SLC27A6: variants seen among roughly 807,000 people sequenced by gnomAD.
SLC27A6 encodes long-chain fatty acid transport protein 6.
SLC27A6 carries 74 observed loss-of-function variants against 63.9 expected under a neutral mutation model. The observed-to-expected ratio is 1.16, with a 90% CI of 0.96 to 1.40. The LOEUF is 1.40. Ranked by LOEUF, SLC27A6 falls within the 40% of genes most tolerant of loss-of-function variation. The pLI is 0.00. For synonymous variants in SLC27A6, 287 were observed against 260.8 expected (o/e 1.10, Z -0.97); for missense variants, 794 against 732.9 (o/e 1.08, Z -0.96).
At chr5:129,002,777 A>G (rs1751386232) in intron 4 of SLC27A6, among the ~76,000 whole-genome samples, 1 of 152,200 alleles carries the variant, frequency 6.6e-6, no homozygotes, top group Non-Finnish European at 1.5e-5. Context: ...ATGCAAAATG[A>G]GAATAATTCT....
At chr5:129,023,805 C>A in intron 6 of SLC27A6, 95 bp downstream of exon 6, 1 of 843,438 alleles carries the variant, frequency 1.2e-6, no homozygotes, top group Non-Finnish European at 1.9e-6. Flanking sequence ...GGTTCCAGGA[C>A]CCCGGGTAGA....
At chr5:128,982,658 A>G (rs1259327577) in intron 1 of SLC27A6, among the ~76,000 whole-genome samples, 3 of 152,242 alleles carry the variant, frequency 2.0e-5, no homozygotes, top group Admixed American at 1.3e-4. Flanking sequence ...TGGAACAAAC[A>G]TTAAAAAGAA....
intron 4 of SLC27A6, among the ~76,000 whole-genome samples, chr5:129,003,685 A>T (rs1347365069): frequency 6.6e-6 from 1 of 152,142 alleles, no homozygotes; most frequent in Non-Finnish European, 1.5e-5. Flanking sequence ...AAAGTAAAAA[A>T]TTAGGTAGGC....
chr5:129,020,706 C>T (rs1238150032), intron 5 of SLC27A6, among the ~76,000 whole-genome samples: 1 of 152,048 alleles, frequency 6.6e-6, no homozygotes, highest in Non-Finnish European at 1.5e-5. Context: ...TAGACAACTT[C>T]AAAATAAGAG....
At chr5:128,997,950 G>A (rs1460411161) in intron 4 of SLC27A6, among the ~76,000 whole-genome samples, 1 of 151,994 alleles carries the variant, frequency 6.6e-6, no homozygotes, top group East Asian at 1.9e-4. Context: ...GTGAAAAACT[G>A]TAAACAAGGA....
chr5:129,028,791 T>A (rs1050934158), intron 8 of SLC27A6, among the ~76,000 whole-genome samples: 2 of 151,920 alleles, frequency 1.3e-5, no homozygotes, highest in African/African-American at 4.8e-5. Context: ...AACAAGAACA[T>A]GTTCTATTTT....
chr5:128,993,096 A>G (rs1443133020), intron 4 of SLC27A6, among the ~76,000 whole-genome samples: 1 of 152,250 alleles, frequency 6.6e-6, no homozygotes, highest in Non-Finnish European at 1.5e-5. Context: ...TGCGATTTAT[A>G]GAAAATATTT....
chr5:128,996,827 T>C (rs1379947729), intron 4 of SLC27A6, among the ~76,000 whole-genome samples: 1 of 152,170 alleles, frequency 6.6e-6, no homozygotes, highest in Non-Finnish European at 1.5e-5. Context: ...AGAGATCGAA[T>C]GATGCTATCT....
chr5:129,006,069 C>CTGTTTTTTTTT (rs1561624836), intron 4 of SLC27A6, among the ~76,000 whole-genome samples: 6 of 64,852 alleles, frequency 9.3e-5, no homozygotes, highest in East Asian at 1.7e-3. Context: ...CCTGTGCACA[C>CTGTTTTTTTTT]TGTTTTTTTT....
intron 4 of SLC27A6, among the ~76,000 whole-genome samples, chr5:128,996,318 CCCTTT>C (rs71752571): frequency 0.24 from 36,462 of 151,808 alleles, 5,384 homozygotes; most frequent in East Asian, 0.7. Flanking sequence ...AAATTATATC[CCCTTT>C]CCTTATTTTG....
intron 1 of SLC27A6, among the ~76,000 whole-genome samples, chr5:128,973,728 C>T (rs1352447106): frequency 1.3e-5 from 2 of 152,214 alleles, no homozygotes; most frequent in Non-Finnish European, 2.9e-5. Context: ...TTGTGTTTCC[C>T]AGGTGAGGCG....
At chr5:128,993,534 A>G (rs1206062046) in intron 4 of SLC27A6, among the ~76,000 whole-genome samples, 2 of 152,164 alleles carry the variant, frequency 1.3e-5, no homozygotes, top group Non-Finnish European at 2.9e-5. Context: ...TTTCCCTTTA[A>G]AAATGTCTCT....
intron 2 of SLC27A6, among the ~76,000 whole-genome samples, chr5:128,988,031 A>T (rs1385247747): frequency 1.3e-5 from 2 of 152,110 alleles, no homozygotes; most frequent in Admixed American, 1.3e-4. Context: ...AGATTCCAAA[A>T]ATGAAAAAAA....
intron 5 of SLC27A6, among the ~76,000 whole-genome samples, chr5:129,018,339 T>A (rs1751974445): frequency 6.6e-6 from 1 of 152,134 alleles, no homozygotes; most frequent in Non-Finnish European, 1.5e-5. Context: ...ATGGTGATTT[T>A]TTTCAGTATC....
At chr5:128,978,473 G>C (rs1750467327) in intron 1 of SLC27A6, among the ~76,000 whole-genome samples, 1 of 152,108 alleles carries the variant, frequency 6.6e-6, no homozygotes, top group South Asian at 2.1e-4. Context: ...CATTATTTTT[G>C]TTAGTGACAA....
intron 1 of SLC27A6, among the ~76,000 whole-genome samples, chr5:128,969,976 G>A (rs1053382341): frequency 3.3e-5 from 5 of 152,116 alleles, no homozygotes; most frequent in Admixed American, 6.6e-5. Flanking sequence ...AGCATGAAGG[G>A]CTGTTGAATT....
intron 1 of SLC27A6, among the ~76,000 whole-genome samples, chr5:128,980,693 G>C (rs1262162305): frequency 6.6e-6 from 1 of 152,160 alleles, no homozygotes; most frequent in Admixed American, 6.5e-5. Flanking sequence ...GAATTCTAAT[G>C]TTGCTTTGCA....
chr5:129,020,500 G>A (rs947247303), intron 5 of SLC27A6, among the ~76,000 whole-genome samples: 2 of 152,014 alleles, frequency 1.3e-5, no homozygotes, highest in Admixed American at 6.6e-5. Context: ...GAGTGGGGGG[G>A]AGGAAAGGAA....
At chr5:128,982,995 G>C (rs1750645245) in intron 1 of SLC27A6, among the ~76,000 whole-genome samples, 1 of 152,048 alleles carries the variant, frequency 6.6e-6, no homozygotes, top group South Asian at 2.1e-4. Flanking sequence ...TCTTGCTGCT[G>C]CTTTGTGATC....
Sources: gnomAD v4.1 joint callset for allele counts (sites outside exome capture counted in the v4.1 genomes callset) on GRCh38, gnomAD v4.1.1 for gene constraint, MANE v1.5 for transcripts, NCBI Gene and HGNC (gene_info 2026-07-23, HGNC 2026-07-21) for gene names.